The following DAGLA variants were observed in gnomAD, a reference collection of about 807,000 sequenced individuals.
The protein encoded by DAGLA is diacylglycerol lipase-alpha.
DAGLA carries 22 observed loss-of-function variants against 102.6 expected under a neutral mutation model. That is an observed-to-expected ratio of 0.21 (90% CI 0.15 to 0.31). The LOEUF (loss-of-function observed/expected upper bound fraction) is 0.31. DAGLA is among the 10% of genes least tolerant of loss of function. The pLI is 1.00. For synonymous variants in DAGLA, 578 were observed against 628.9 expected (o/e 0.92, Z 1.21); for missense variants, 927 against 1,446.6 (o/e 0.64, Z 5.83).
intron 1 of DAGLA, among the ~76,000 whole-genome samples, chr11:61,711,740 C>G (rs141101566): frequency 1.3e-5 from 2 of 152,184 alleles, no homozygotes; most frequent in African/African-American, 4.8e-5. Flanking sequence ...AGCGTGAGAA[C>G]GAGTAGCTGG....
At chr11:61,742,232 G>A (rs1271393425) in intron 19 of DAGLA, among the ~76,000 whole-genome samples, 6 of 152,174 alleles carry the variant, frequency 3.9e-5, no homozygotes, top group Admixed American at 3.9e-4. Context: ...GTGCACACAT[G>A]CTCACAGGGG....
intron 1 of DAGLA, 35 bp from the exon 2 acceptor site, chr11:61,720,077 C>T (rs1041350266): frequency 3.1e-5 from 46 of 1,498,384 alleles, no homozygotes; most frequent in Non-Finnish European, 4.1e-5. Flanking sequence ...CCTTCACCTC[C>T]TCAGGCAGCT....
intron 1 of DAGLA, among the ~76,000 whole-genome samples, chr11:61,693,496 C>T (rs181478515): frequency 0.01 from 1,565 of 151,732 alleles, 16 homozygotes; most frequent in Middle Eastern, 0.034. Context: ...CTACAGGCGC[C>T]CACCACCATG....
In DAGLA at chr11:61,743,652, G is replaced by A; in HGVS notation, c.2292G>A (p.Glu764=). The part of the protein sequence containing the change: ...PVELLLLSTQ[E]RLAAELQARR... ...AGCTGCTGCTGCTGTCTACCCAGGA[G>A]CGGCTGGCGGCGGAGCTGCAGGCCC... Residue 764 remains glutamate, a synonymous_variant, in exon 20 of 20, where the codon GAG becomes GAA. Transcript: ENST00000257215. 1.3e-6 allele frequency: 2 copies of A among 1,598,940 alleles called. No individual in the cohort carries two copies. The highest frequency in any genetic ancestry group is 1.7e-6 in the Non-Finnish European group (2 of 1,176,206).
chr11:61,727,165 A>G (rs1028249255), intron 6 of DAGLA, among the ~76,000 whole-genome samples: 1 of 152,238 alleles, frequency 6.6e-6, no homozygotes, highest in Non-Finnish European at 1.5e-5. Context: ...GGTCCCAAGC[A>G]TGTTTTGATC....
chr11:61,696,541 C>A (rs2065067573), intron 1 of DAGLA, among the ~76,000 whole-genome samples: 1 of 151,702 alleles, frequency 6.6e-6, no homozygotes, highest in African/African-American at 2.4e-5. Flanking sequence ...CCATTGATTC[C>A]CTCCATCCCT....
intron 16 of DAGLA, 65 bp from the exon 17 acceptor site, chr11:61,739,400 T>A: frequency 5.5e-4 from 505 of 913,786 alleles, no homozygotes; most frequent in Non-Finnish European, 7.4e-4. Context: ...TCGGTCCCCC[T>A]GCCCCTGCCC....
At chr11:61,712,292 A>G (rs1414435904) in intron 1 of DAGLA, among the ~76,000 whole-genome samples, 1 of 152,188 alleles carries the variant, frequency 6.6e-6, no homozygotes, top group African/African-American at 2.4e-5. Flanking sequence ...ATGACATGCG[A>G]ACAGCTAGAC....
Position 61,696,453 on chromosome 11 carries a change from C to T in DAGLA, c.-45+15949C>T, listed in dbSNP as rs867211753. On this transcript the variant is annotated intron_variant, in intron 1 of 19. Coordinates refer to ENST00000257215, the MANE Select transcript of DAGLA (RefSeq NM_006133.3). ...GCGGGGAGGAGCAGTGGGGCCGGGG[C>T]GCTCCCTGAAAGATCCCTCCAGGGG... 1.3e-3 allele frequency among the ~76,000 whole-genome samples: 192 copies of T among 152,288 alleles called. 1 individual carries two copies. The highest frequency in any genetic ancestry group is 4.3e-3 in the African/African-American group (180 of 41,572).
At chr11:61,716,625 C>G (rs1052156612) in intron 1 of DAGLA, among the ~76,000 whole-genome samples, 4 of 152,212 alleles carry the variant, frequency 2.6e-5, no homozygotes, top group Non-Finnish European at 5.9e-5. Flanking sequence ...TAAGGGAATG[C>G]GTGGATTCAG....
At chr11:61,682,414 C>T (rs753953636) in intron 1 of DAGLA, among the ~76,000 whole-genome samples, 4 of 152,190 alleles carry the variant, frequency 2.6e-5, no homozygotes, top group Admixed American at 1.3e-4. Context: ...AGGCCCTGAG[C>T]GCACATGCTC....
chr11:61,696,347 T>C (rs1363424020), intron 1 of DAGLA, among the ~76,000 whole-genome samples: 1 of 151,706 alleles, frequency 6.6e-6, no homozygotes, highest in Non-Finnish European at 1.5e-5. Context: ...AGGTGCCCAC[T>C]ACCCTGGCTG....
rs745763522 is a variant in DAGLA, at chr11:61,735,050, G to A, written c.1128+48G>A. On this transcript the variant is annotated intron_variant, in intron 10 of 19. Transcript: ENST00000257215. Reference sequence around the variant, plus strand: ...CCTGGTGTCAGGAGCAGGCAGCTGAGGGCCTAGGGTGCTGAGGCTATCCTT... The same window carrying A: ...CCTGGTGTCAGGAGCAGGCAGCTGAAGGCCTAGGGTGCTGAGGCTATCCTT... 3.8e-6 allele frequency: 6 copies of A among 1,595,470 alleles called. No homozygotes were observed. The Admixed American group carries it at 1.0e-4, about 27-fold the overall frequency.
intron 1 of DAGLA, among the ~76,000 whole-genome samples, chr11:61,709,081 A>T (rs910495172): frequency 2.6e-5 from 4 of 152,126 alleles, no homozygotes; most frequent in Non-Finnish European, 5.9e-5. Flanking sequence ...AAATGCTGTG[A>T]TCATTGTGTG....
chr11:61,744,372 G>A lies in DAGLA; in HGVS notation c.3012G>A (p.Thr1004=), dbSNP rs907432548. ...CCTCGGGTGAGCTCATGGACCTGACGCCCACGGGCCTCAGTAGCCAGGAAT... is the reference window on the plus strand; with the variant it reads ...CCTCGGGTGAGCTCATGGACCTGACACCCACGGGCCTCAGTAGCCAGGAAT... ...LSSSGELMDL[T]PTGLSSQECL... Residue 1004 remains threonine, a synonymous_variant, in exon 20 of 20, where the codon ACG becomes ACA. Transcript: ENST00000257215. 8 of 1,611,668 alleles carry A rather than the reference G, an allele frequency of 5.0e-6. No individual in the cohort carries two copies. The African/African-American group carries it at 5.3e-5, about 11-fold the overall frequency.
intron 8 of DAGLA, among the ~76,000 whole-genome samples, chr11:61,730,351 A>G (rs1453050944): frequency 6.6e-6 from 1 of 151,918 alleles, no homozygotes; most frequent in Non-Finnish European, 1.5e-5. Flanking sequence ...AGAGGCTGCC[A>G]GGGCCCACCC....
At chr11:61,688,010 A>T (rs2064998648) in intron 1 of DAGLA, among the ~76,000 whole-genome samples, 1 of 152,152 alleles carries the variant, frequency 6.6e-6, no homozygotes, top group Admixed American at 6.5e-5. Flanking sequence ...TGGGAAAGAC[A>T]TTGTACTAAC....
At chr11:61,697,985 G>T (rs1465363662) in intron 1 of DAGLA, among the ~76,000 whole-genome samples, 1 of 152,240 alleles carries the variant, frequency 6.6e-6, no homozygotes, top group Non-Finnish European at 1.5e-5. Context: ...ATGACTGGAA[G>T]TTCCCAGTAC....
At chr11:61,729,487 T>C (rs902122541) in intron 8 of DAGLA, among the ~76,000 whole-genome samples, 3 of 151,786 alleles carry the variant, frequency 2.0e-5, no homozygotes, top group Non-Finnish European at 4.4e-5. Flanking sequence ...CAGGGCCCAG[T>C]ACAGCCCAGG....
Sources: gnomAD v4.1 joint callset for allele counts (sites outside exome capture counted in the v4.1 genomes callset) on GRCh38, gnomAD v4.1.1 for gene constraint, MANE v1.5 for transcripts, NCBI Gene and HGNC (gene_info 2026-07-23, HGNC 2026-07-21) for gene names.